The following DAB1 variants were observed in gnomAD, a reference collection of about 807,000 sequenced individuals.
The protein encoded by DAB1 is DAB adaptor protein 1.
In DAB1, 15 loss-of-function variants were observed where a neutral mutation model predicts 64.6. The ratio of observed to expected loss-of-function variants is 0.23; its 90% CI spans 0.16 to 0.36. DAB1 has a LOEUF of 0.36. DAB1 is among the 10% of genes least tolerant of loss of function. The probability of loss-of-function intolerance (pLI) is 1.00; values close to 1 mark genes in which losing one functional copy is unlikely to be tolerated. For synonymous variants in DAB1, 235 were observed against 251.9 expected (o/e 0.93, Z 0.64); for missense variants, 596 against 706.7 (o/e 0.84, Z 1.78).
In DAB1 at chr1:56,995,622, G is replaced by A. The variant is rs1490375544; in HGVS notation, c.*2522C>T. The A allele has an allele frequency of 6.6e-6, 1 of 152,186 alleles. No homozygotes were observed. The highest frequency in any genetic ancestry group is 2.4e-5 in the African/African-American group (1 of 41,442). The allele number at this position is 152,186 out of a possible 1,614,324, so 9.4% of individuals were successfully genotyped here. A position where few individuals can be genotyped will look rare whatever the true frequency, so the allele number is the denominator to read the frequency against. On this transcript the variant is annotated 3_prime_UTR_variant, in exon 15 of 15. Coordinates refer to ENST00000371236, the MANE Select transcript of DAB1 (RefSeq NM_001365792.1). ...ACCTGAAACAGCAACATCAGCCAGA[G>A]TTCACTTTGAATGTGTCAGAAGCAA... is the stretch of plus-strand genomic sequence containing the variant.
intron 4 of DAB1, among the ~76,000 whole-genome samples, chr1:57,118,130 TTC>T (rs1022044265): frequency 6.6e-6 from 1 of 152,232 alleles, no homozygotes; most frequent in Non-Finnish European, 1.5e-5. Context: ...ATCTGATTCC[TTC>T]TCTGATATTT....
At chr1:57,111,330 G>T (rs950917704) in intron 4 of DAB1, among the ~76,000 whole-genome samples, 1 of 152,080 alleles carries the variant, frequency 6.6e-6, no homozygotes, top group Non-Finnish European at 1.5e-5. Context: ...TCTTAGAGCC[G>T]GCTGTAACCT....
chr1:57,598,462 C>T (rs773799884), intron 7 of DAB1, among the ~76,000 whole-genome samples: 52 of 152,222 alleles, frequency 3.4e-4, no homozygotes, highest in Admixed American at 3.3e-4. Context: ...TGTATTTAAA[C>T]AGTTAAATGA....
chr1:57,187,747 G>T (rs1663718791), intron 2 of DAB1, among the ~76,000 whole-genome samples: 1 of 151,640 alleles, frequency 6.6e-6, no homozygotes, highest in South Asian at 2.1e-4. Context: ...GTGAAGCTGG[G>T]ATTCTACTCA....
At chr1:57,826,631 T>G (rs1303787085) in intron 1 of DAB1, among the ~76,000 whole-genome samples, 1 of 152,088 alleles carries the variant, frequency 6.6e-6, no homozygotes, top group Non-Finnish European at 1.5e-5. Flanking sequence ...TGCCAGAAGG[T>G]GAAGCGATAC....
At chr1:57,495,598 A>C (rs1438892310) in intron 7 of DAB1, among the ~76,000 whole-genome samples, 2 of 152,188 alleles carry the variant, frequency 1.3e-5, no homozygotes, top group Non-Finnish European at 2.9e-5. Context: ...CAGTGATTGT[A>C]AGATGTCAGC....
In DAB1 at chr1:57,432,553, A is replaced by G. The variant is rs141192186; in HGVS notation, n.626-141387T>C. ...CAGCTACAGAAACCCATTCCATGAA[A>G]AAAGTTTTTTGAAAATTAAGGTAAC... On this transcript the variant is annotated intron_variant and non_coding_transcript_variant, in intron 7 of 20. Coordinates refer to the DAB1 transcript ENST00000485760. 9.1e-4 allele frequency among the ~76,000 whole-genome samples: 138 copies of G among 152,322 alleles called. 1 individual carries two copies. The highest frequency in any genetic ancestry group is 3.2e-3 in the African/African-American group (131 of 41,578).
At chr1:57,451,575 A>C (rs948824657) in intron 7 of DAB1, among the ~76,000 whole-genome samples, 14 of 152,236 alleles carry the variant, frequency 9.2e-5, no homozygotes, top group African/African-American at 2.4e-5. Flanking sequence ...AATTAACATT[A>C]ACAAGGGTCT....
chr1:58,003,915 C>G (rs1158404847), intron 5 of DAB1, among the ~76,000 whole-genome samples: 1 of 152,200 alleles, frequency 6.6e-6, no homozygotes, highest in South Asian at 2.1e-4. Flanking sequence ...TCCTCAGCCA[C>G]CCCCAGCCGA....
At chr1:58,317,581 C>A (rs1005908570) in intron 4 of DAB1, among the ~76,000 whole-genome samples, 1 of 152,186 alleles carries the variant, frequency 6.6e-6, no homozygotes, top group Admixed American at 6.5e-5. Flanking sequence ...GGCTTGACAG[C>A]CAGCAAGGAA....
rs117775189 is a variant in DAB1 at position 58,391,045 on chromosome 1, T to C, written n.258-47642A>G. 5.0e-3 allele frequency among the ~76,000 whole-genome samples: 762 copies of C among 152,204 alleles called. 16 individuals are homozygous for C. The East Asian group carries it at 0.058, about 12-fold the overall frequency. ...CGGTCCCATCATACAGATGAATATA[T>C]CAGCCAGGAAAACTAAATCCACTCG... On this transcript the variant is annotated intron_variant and non_coding_transcript_variant, in intron 3 of 20. Transcript: ENST00000485760.
At chr1:57,606,416 TATATTTCATATATAAA>T (rs1338819269) in intron 7 of DAB1, among the ~76,000 whole-genome samples, 5 of 129,844 alleles carry the variant, frequency 3.9e-5, no homozygotes, top group Non-Finnish European at 7.9e-5. Flanking sequence ...ATATATGATA[TATATTTCATATATAAA>T]ATATTTCATA....
At chr1:57,491,334 A>T (rs928764633) in intron 7 of DAB1, among the ~76,000 whole-genome samples, 1 of 152,148 alleles carries the variant, frequency 6.6e-6, no homozygotes, top group African/African-American at 2.4e-5. Context: ...AGGCTGAGGC[A>T]GGAGAATGGC....
chr1:57,129,006 C>G (rs1657406587), intron 4 of DAB1, among the ~76,000 whole-genome samples: 1 of 152,150 alleles, frequency 6.6e-6, no homozygotes. Context: ...AGTTTCTCAT[C>G]TGTCTAATGG....
At chr1:57,289,288 A>T (rs1263918783) in intron 2 of DAB1, among the ~76,000 whole-genome samples, 1 of 152,248 alleles carries the variant, frequency 6.6e-6, no homozygotes, top group African/African-American at 2.4e-5. Flanking sequence ...TGCATTAAGC[A>T]TTCAAGAGTG....
At chr1:58,260,629 C>T (rs1360494513) in intron 4 of DAB1, among the ~76,000 whole-genome samples, 1 of 152,208 alleles carries the variant, frequency 6.6e-6, no homozygotes, top group Non-Finnish European at 1.5e-5. Context: ...CCAAACCAAA[C>T]CCCTGCCATT....
At chr1:58,466,849 T>C (rs1645302155) in intron 3 of DAB1, among the ~76,000 whole-genome samples, 1 of 152,162 alleles carries the variant, frequency 6.6e-6, no homozygotes, top group Non-Finnish European at 1.5e-5. Context: ...AAGCCCCCAC[T>C]AGTTGGGGGA....
intron 2 of DAB1, among the ~76,000 whole-genome samples, chr1:57,278,657 A>G (rs1671657645): frequency 6.6e-6 from 1 of 152,188 alleles, no homozygotes; most frequent in African/African-American, 2.4e-5. Context: ...TTGACAGGCC[A>G]AAAAGAGAGA....
intron 4 of DAB1, among the ~76,000 whole-genome samples, chr1:57,123,158 T>C (rs1656817496): frequency 6.6e-6 from 1 of 152,154 alleles, no homozygotes; most frequent in African/African-American, 2.4e-5. Flanking sequence ...GAATCAACAA[T>C]ATGACCCTGA....
Sources: allele counts gnomAD v4.1 joint callset (sites outside exome capture counted in the v4.1 genomes callset), GRCh38; gene constraint gnomAD v4.1.1; transcripts MANE v1.5; gene names NCBI Gene and HGNC (gene_info 2026-07-23, HGNC 2026-07-21).